The following SV2C variants were observed in gnomAD, a reference collection of about 807,000 sequenced individuals.
The protein encoded by SV2C is solute carrier family 22 member B3.
A neutral mutation model predicts 79.7 loss-of-function variants in SV2C; 49 were observed. The ratio of observed to expected loss-of-function variants is 0.61; its 90% confidence interval spans 0.49 to 0.78. The LOEUF (loss-of-function observed/expected upper bound fraction) is 0.78. Among genes scored for constraint, SV2C ranks in the 30% least tolerant of loss-of-function variants. SV2C has a pLI of 0.00. For synonymous variants in SV2C, 334 were observed against 333.2 expected (o/e 1.00, Z -0.03); for missense variants, 833 against 912.9 (o/e 0.91, Z 1.13).
rs748269275 is a variant in SV2C at position 76,329,847 on chromosome 5, A to T, written c.*4300A>T. 48 of 152,182 alleles carry T rather than the reference A, an allele frequency of 3.2e-4. No individual in the cohort carries two copies. The highest frequency in any genetic ancestry group is 1.6e-4 in the Non-Finnish European group (11 of 68,022). 9.4% of individuals were successfully genotyped at this position (152,182 alleles called of 1,614,324 possible). On this transcript the variant is annotated 3_prime_UTR_variant, in exon 13 of 13. Coordinates refer to ENST00000502798, the MANE Select transcript of SV2C (RefSeq NM_014979.4). ...CTTCACCTGGTATCACAGAAAGACAACTGGGATATTGGTGTTAAGGGGCAT... is the reference window on the plus strand; with the variant it reads ...CTTCACCTGGTATCACAGAAAGACATCTGGGATATTGGTGTTAAGGGGCAT...
At chr5:76,065,225 C>G in the SV2C span, among the ~76,000 whole-genome samples, 1 of 152,160 alleles carries the variant, frequency 6.6e-6, no homozygotes, top group Non-Finnish European at 1.5e-5. Context: ...AATTGTATCC[C>G]TTGCCTGATA....
At chr5:76,320,540 G>A (rs776247157) in intron 12 of SV2C, among the ~76,000 whole-genome samples, 4 of 152,056 alleles carry the variant, frequency 2.6e-5, no homozygotes, top group Non-Finnish European at 5.9e-5. Context: ...TCTACTTTTT[G>A]TTCACTTTTT....
chr5:76,126,114 T>C (rs527981340), intron 1 of SV2C, among the ~76,000 whole-genome samples: 1 of 152,282 alleles, frequency 6.6e-6, no homozygotes, highest in Non-Finnish European at 1.5e-5. Flanking sequence ...AGTTTCCTGT[T>C]TTCAGGAAAG....
At chr5:76,048,826 A>ATT in the SV2C span, among the ~76,000 whole-genome samples, 26,361 of 108,926 alleles carry the variant, frequency 0.24, 3,201 homozygotes, top group East Asian at 0.54. Flanking sequence ...AAAAAAAAAA[A>ATT]TTTTGGGGCT....
At chr5:75,965,155 T>A in the SV2C span, among the ~76,000 whole-genome samples, 2 of 152,126 alleles carry the variant, frequency 1.3e-5, no homozygotes, top group African/African-American at 4.8e-5. Context: ...TTGTCAGAAC[T>A]GCAGTTAAGG....
chr5:75,938,459 C>T, the SV2C span, among the ~76,000 whole-genome samples: 1 of 152,116 alleles, frequency 6.6e-6, no homozygotes, highest in Non-Finnish European at 1.5e-5. Context: ...AATGGAACAC[C>T]TTCTGGCAAT....
chr5:76,037,246 G>A, the SV2C span, among the ~76,000 whole-genome samples: 65 of 152,314 alleles, frequency 4.3e-4, no homozygotes, highest in Admixed American at 4.6e-4. Flanking sequence ...CTCTCAGCTC[G>A]TCAAAGTCAT....
the SV2C span, among the ~76,000 whole-genome samples, chr5:76,026,410 G>A: frequency 1.3e-5 from 2 of 152,070 alleles, no homozygotes; most frequent in Non-Finnish European, 2.9e-5. Context: ...TCTATTAGGG[G>A]GAGATTATGC....
At chr5:76,211,463 CGTGTGTGTGTGTGTGTGTGTGT>C (rs10593541) in intron 4 of SV2C, among the ~76,000 whole-genome samples, 1 of 149,474 alleles carries the variant, frequency 6.7e-6, no homozygotes, top group African/African-American at 2.5e-5. Flanking sequence ...GTTCTGGTTG[CGTGTGTGTGTGTGTGTGTGTGT>C]GTGTGTGTGT....
At chr5:75,910,906 C>T in the SV2C span, 14,140 of 973,118 alleles carry the variant, frequency 0.015, 436 homozygotes, top group African/African-American at 0.1. Context: ...AACATTCCAA[C>T]AAAGTCTTTG....
At chr5:76,181,676 G>C (rs1439408499) in intron 2 of SV2C, among the ~76,000 whole-genome samples, 1 of 151,886 alleles carries the variant, frequency 6.6e-6, no homozygotes, top group African/African-American at 2.4e-5. Flanking sequence ...CAGCACTAGG[G>C]GGATAGGGCT....
chr5:75,886,001 G>A, the SV2C span, among the ~76,000 whole-genome samples: 7 of 152,224 alleles, frequency 4.6e-5, no homozygotes, highest in Non-Finnish European at 8.8e-5. Flanking sequence ...AGCCAGGATG[G>A]CCTTTCAGAG....
At position 76,297,460 on chromosome 5, in the gene SV2C, C is replaced by T. The variant is rs562182045; in HGVS notation, c.1503-1334C>T. Among the ~76,000 whole-genome samples, 7 of 152,188 alleles carry T rather than the reference C, an allele frequency of 4.6e-5. No individual in the cohort carries two copies. The East Asian group carries it at 9.7e-4, about 21-fold the overall frequency. On this transcript the variant is annotated intron_variant, in intron 9 of 12. Transcript: ENST00000502798. ...CTGACTTTTTCCATTTTCAACCTTT[C>T]GAATTGTGCACCATGTGTACTCTCT...
At chr5:76,274,682 T>A (rs1746969126) in intron 4 of SV2C, among the ~76,000 whole-genome samples, 1 of 92,396 alleles carries the variant, frequency 1.1e-5, no homozygotes, top group Non-Finnish European at 2.4e-5. Flanking sequence ...CTTTTTCTCC[T>A]TCTTTTTTTT....
At chr5:76,023,016 C>G in the SV2C span, among the ~76,000 whole-genome samples, 2 of 152,212 alleles carry the variant, frequency 1.3e-5, no homozygotes, top group South Asian at 4.1e-4. Flanking sequence ...GTTTCTGCCC[C>G]TGTAGATGTA....
At chr5:76,199,095 C>T (rs1453504806) in intron 3 of SV2C, among the ~76,000 whole-genome samples, 1 of 152,170 alleles carries the variant, frequency 6.6e-6, no homozygotes, top group Non-Finnish European at 1.5e-5. Flanking sequence ...ACCCTTCATT[C>T]CTATTACTTA....
the SV2C span, among the ~76,000 whole-genome samples, chr5:75,960,811 CATTT>C: frequency 1.4e-3 from 211 of 152,016 alleles, 5 homozygotes; most frequent in East Asian, 0.028. Context: ...TGCCTGCATT[CATTT>C]ATTTATTAAT....
chr5:75,855,876 A>G, the SV2C span, among the ~76,000 whole-genome samples: 1 of 152,138 alleles, frequency 6.6e-6, no homozygotes, highest in African/African-American at 2.4e-5. Flanking sequence ...CTGCTGTGCT[A>G]TTAAAGAGTA....
At chr5:76,199,814 T>C (rs1744380193) in intron 3 of SV2C, among the ~76,000 whole-genome samples, 1 of 152,234 alleles carries the variant, frequency 6.6e-6, no homozygotes, top group African/African-American at 2.4e-5. Context: ...AATGAAAATC[T>C]AACTTGAGTC....
Sources: gnomAD v4.1 joint callset for allele counts (sites outside exome capture counted in the v4.1 genomes callset) on GRCh38, gnomAD v4.1.1 for gene constraint, MANE v1.5 for transcripts, NCBI Gene and HGNC (gene_info 2026-07-23, HGNC 2026-07-21) for gene names.